The following NFAT5 variants were observed in gnomAD, a reference collection of about 807,000 sequenced individuals.
The protein encoded by NFAT5 is nuclear factor of activated T cells 5, also known as nuclear factor of activated T-cells 5.
A neutral mutation model predicts 166.5 loss-of-function variants in NFAT5; 31 were observed. That is an observed-to-expected ratio of 0.19 (90% CI 0.14 to 0.25). NFAT5 has a LOEUF of 0.25. Among genes scored for constraint, NFAT5 ranks in the 10% least tolerant of loss-of-function variants. NFAT5 has a pLI of 1.00. For missense variants in NFAT5, 1,449 were observed against 1,821.8 expected (o/e 0.80, Z 3.72); for synonymous variants, 612 against 639.7 (o/e 0.96, Z 0.65).
chr16:69,609,397 G>A (rs184316579), intron 2 of NFAT5, among the ~76,000 whole-genome samples: 1 of 152,156 alleles, frequency 6.6e-6, no homozygotes, highest in Admixed American at 6.5e-5. Flanking sequence ...GAAATCCCAG[G>A]CATCTTCATT....
At chr16:69,640,720 G>A (rs768489115) in intron 3 of NFAT5, among the ~76,000 whole-genome samples, 14 of 152,086 alleles carry the variant, frequency 9.2e-5, no homozygotes, top group Non-Finnish European at 1.9e-4. Flanking sequence ...AGTGGTTCAC[G>A]CCTGTAATCC....
At chr16:69,594,307 A>G (rs1021622979) in intron 2 of NFAT5, among the ~76,000 whole-genome samples, 1 of 152,232 alleles carries the variant, frequency 6.6e-6, no homozygotes, top group African/African-American at 2.4e-5. Flanking sequence ...ACTGTAGACA[A>G]TTGTAACACA....
intron 10 of NFAT5, among the ~76,000 whole-genome samples, chr16:69,680,151 A>G (rs900920020): frequency 6.6e-6 from 1 of 152,174 alleles, no homozygotes; most frequent in Non-Finnish European, 1.5e-5. Flanking sequence ...ATGATAGTTA[A>G]AGCATTTTAG....
At position 69,568,334 on chromosome 16, in the gene NFAT5, G is replaced by GTATATATA. The variant is rs371948858; in HGVS notation, c.74-155_74-148dup. On this transcript the variant is annotated intron_variant, in intron 1 of 14. Coordinates refer to ENST00000349945, the MANE Select transcript of NFAT5 (RefSeq NM_138713.4). ...AAACTCCGTTTCAAAATGTATGTGT[G>GTATATATA]TATATATATATATGTGTGTGTGTGT... Among the ~76,000 whole-genome samples the GTATATATA allele has an allele frequency of 3.1e-4, 42 of 133,420 alleles. 1 individual carries two copies. The East Asian group carries it at 8.4e-3, about 27-fold the overall frequency. 87.5% of individuals were successfully genotyped at this position (133,420 alleles called of 152,430 possible).
chr16:69,613,888 T>C (rs1267200579), intron 2 of NFAT5, among the ~76,000 whole-genome samples: 2 of 152,262 alleles, frequency 1.3e-5, no homozygotes, highest in African/African-American at 4.8e-5. Context: ...GTTTAATTAC[T>C]GCTTTGTCAG....
rs191021105 is a variant in NFAT5, at chr16:69,688,853, T to G, written c.1775-2087T>G. ...ATCTAATGGAATTCAAAAGCAAGAA[T>G]AGTAGTTGACTATTACAGGATCAAC... On this transcript the variant is annotated intron_variant, in intron 11 of 14. Coordinates refer to ENST00000349945, the MANE Select transcript of NFAT5 (RefSeq NM_138713.4). 9.5e-3 allele frequency among the ~76,000 whole-genome samples: 1,333 copies of G among 140,300 alleles called. 19 individuals carry two copies. Among genetic ancestry groups the G allele is most frequent in the African/African-American group, 0.042 (1,277 of 30,170 alleles). 92.0% of individuals were successfully genotyped at this position (140,300 alleles called of 152,430 possible). A position where few individuals can be genotyped will look rare whatever the true frequency, so the allele number is the denominator to read the frequency against.
Position 69,692,048 on chromosome 16 carries a change from GT to G in NFAT5, c.2224del (p.Ser742GlnfsTer11). The G allele has an allele frequency of 6.2e-7, 1 of 1,614,154 alleles. No homozygotes were observed. ...RETQSREILQ[S>X]DGTVVNLSQL... Reference sequence around the variant, plus strand: ...AAACTCAGTCTAGAGAGATATTACAGTCAGATGGTACAGTGGTTAATTTGTC... The same window carrying G: ...AAACTCAGTCTAGAGAGATATTACAGCAGATGGTACAGTGGTTAATTTGTC... On this transcript the variant is annotated frameshift_variant, in exon 13 of 15. Coordinates refer to ENST00000349945, the MANE Select transcript of NFAT5 (RefSeq NM_138713.4). LOFTEE classifies it high-confidence loss of function.
intron 7 of NFAT5, among the ~76,000 whole-genome samples, chr16:69,667,978 T>G (rs1006269674): frequency 2.0e-5 from 3 of 152,166 alleles, no homozygotes; most frequent in Admixed American, 2.0e-4. Flanking sequence ...TGTTTGTTTC[T>G]TTTTTTAGAC....
chr16:69,577,468 A>G (rs1442265633), intron 2 of NFAT5, among the ~76,000 whole-genome samples: 1 of 152,220 alleles, frequency 6.6e-6, no homozygotes, highest in Non-Finnish European at 1.5e-5. Context: ...AAAATTTATT[A>G]CCTTTATACC....
intron 2 of NFAT5, among the ~76,000 whole-genome samples, chr16:69,625,508 G>T (rs1469712266): frequency 2.0e-5 from 3 of 150,614 alleles, no homozygotes; most frequent in Middle Eastern, 6.9e-3. Context: ...AGAGTAAGAA[G>T]TATTTGCTTG....
In NFAT5 at chr16:69,657,811, C is replaced by T. The variant is rs1219214948; in HGVS notation, c.1197-1916C>T. 3.3e-4 allele frequency among the ~76,000 whole-genome samples: 49 copies of T among 148,436 alleles called. 1 individual carries two copies. The highest frequency in any genetic ancestry group is 1.3e-4 in the Non-Finnish European group (9 of 67,334). On this transcript the variant is annotated intron_variant, in intron 6 of 14. Coordinates refer to ENST00000349945, the MANE Select transcript of NFAT5 (RefSeq NM_138713.4). The stretch of plus-strand genomic sequence containing the variant: ...TAAAAATAAATACATATAGGCCGGG[C>T]GCAGTGGCTCACGCCTGTAATCCCA...
At position 69,670,041 on chromosome 16, in the gene NFAT5, A is replaced by G. The variant is rs199599792; in HGVS notation, c.1434A>G (p.Glu478=). The G allele has an allele frequency of 7.4e-6, 12 of 1,613,376 alleles. No homozygotes were observed. In the East Asian group the frequency reaches 2.7e-4, roughly 36 times the overall value. The change falls in exon 8 of 15, where the codon GAA becomes GAG. Residue 478 remains glutamate (E), a synonymous_variant. Transcript: ENST00000349945. The part of the protein sequence containing the change: ...KSLHSCSVKG[E]EEVFLIGKNF... ...TGCATAGCTGTTCAGTGAAAGGAGA[A>G]GAAGAAGTGTTTTTAATCGGCAAGA...
Position 69,647,617 on chromosome 16 carries a change from A to G in NFAT5, c.812+31A>G. ...TATTCACATTTTTTAAAATTCTATCATCATTATGCAAAACAAACAAACAAA... is the reference window on the plus strand; with the variant it reads ...TATTCACATTTTTTAAAATTCTATCGTCATTATGCAAAACAAACAAACAAA... On this transcript the variant is annotated intron_variant, in intron 4 of 14. Transcript: ENST00000349945. This position sits in a 1 kb window ranked among gnomAD's most constrained non-coding sequence, Gnocchi z 4.8. 1.3e-6 allele frequency: 2 copies of G among 1,505,454 alleles called. No individual in the cohort carries two copies. Among genetic ancestry groups the G allele is most frequent in the Middle Eastern group, 1.8e-4 (1 of 5,620 alleles). The allele number at this position is 1,505,454 out of a possible 1,614,324, so 93.3% of individuals were successfully genotyped here.
At chr16:69,620,498 C>T (rs2034149833) in intron 2 of NFAT5, among the ~76,000 whole-genome samples, 1 of 152,118 alleles carries the variant, frequency 6.6e-6, no homozygotes, top group Non-Finnish European at 1.5e-5. Flanking sequence ...CTTTGGAAGG[C>T]CAAGGCAGGA....
intron 2 of NFAT5, among the ~76,000 whole-genome samples, chr16:69,611,564 T>A (rs552618467): frequency 2.0e-5 from 3 of 152,350 alleles, no homozygotes; most frequent in Non-Finnish European, 1.5e-5. Context: ...GTATGGAGTC[T>A]GGGGAGTCCA....
At chr16:69,602,567 T>C (rs1018530812) in intron 2 of NFAT5, among the ~76,000 whole-genome samples, 1 of 150,954 alleles carries the variant, frequency 6.6e-6, no homozygotes, top group African/African-American at 2.4e-5. Context: ...GTGCCCAGAC[T>C]TTTTCTTTCT....
intron 9 of NFAT5, among the ~76,000 whole-genome samples, chr16:69,674,851 T>A (rs2151681480): frequency 1.3e-5 from 2 of 152,354 alleles, no homozygotes; most frequent in South Asian, 4.1e-4. Context: ...GTTATTTGAA[T>A]CTAAGCAGAT....
chr16:69,667,181 G>C (rs2036422575), intron 7 of NFAT5, among the ~76,000 whole-genome samples: 1 of 119,822 alleles, frequency 8.3e-6, no homozygotes, highest in Admixed American at 9.8e-5. Flanking sequence ...GTGGGGTGGG[G>C]GGAGGGGGGA....
Position 69,647,461 on chromosome 16 carries a change from G to A in NFAT5, c.687G>A (p.Gly229=). The change falls in exon 4 of 15, where the codon GGG becomes GGA. Residue 229 remains glycine, a synonymous_variant. Coordinates refer to ENST00000349945, the MANE Select transcript of NFAT5 (RefSeq NM_138713.4). This position sits in a 1 kb window ranked among gnomAD's most constrained non-coding sequence, Gnocchi z 4.8. ...SRKRNPKQRP[G]VKRRDCEESN... ...AACGAAATCCAAAGCAGAGGCCGGG[G>A]GTCAAACGACGAGATTGTGAAGAAT... The A allele has an allele frequency of 6.2e-7, 1 of 1,613,952 alleles. No homozygotes were observed. Among genetic ancestry groups the A allele is most frequent in the East Asian group, 2.2e-5 (1 of 44,880 alleles).
Sources: gnomAD v4.1 joint callset for allele counts (sites outside exome capture counted in the v4.1 genomes callset) on GRCh38, gnomAD v4.1.1 for gene constraint, Gnocchi (gnomAD v3.1) non-coding constraint, MANE v1.5 for transcripts, NCBI Gene and HGNC (gene_info 2026-07-23, HGNC 2026-07-21) for gene names.